The following KIAA1328 variants were observed in gnomAD, a reference collection of about 807,000 sequenced individuals.
The protein encoded by KIAA1328 is KIAA1328.
A neutral mutation model predicts 68.1 loss-of-function variants in KIAA1328; 52 were observed. The observed-to-expected ratio is 0.76, with a 90% CI of 0.61 to 0.96. KIAA1328 has a LOEUF of 0.96. Among genes scored for constraint, KIAA1328 ranks in the 40% least tolerant of loss-of-function variants. The pLI, the probability that KIAA1328 is intolerant of heterozygous loss-of-function variation, is 0.00. For synonymous variants in KIAA1328, 232 were observed against 239.4 expected, an observed-to-expected ratio of 0.97 and a Z score of 0.28; for missense variants, 641 against 677.6, an observed-to-expected ratio of 0.95 and a Z score of 0.60.
chr18:36,978,744 C>T (rs1568244542), intron 6 of KIAA1328, among the ~76,000 whole-genome samples: 1 of 152,128 alleles, frequency 6.6e-6, no homozygotes, highest in Admixed American at 6.5e-5. Flanking sequence ...TTCTCCTTGC[C>T]ACATTTTCTT....
chr18:36,916,692 G>A (rs756425895), intron 5 of KIAA1328, among the ~76,000 whole-genome samples: 24 of 152,182 alleles, frequency 1.6e-4, no homozygotes, highest in Admixed American at 3.3e-4. Context: ...GTACAGATAA[G>A]TAAGGAGGCA....
chr18:37,122,530 CA>C (rs1332901599), intron 7 of KIAA1328, among the ~76,000 whole-genome samples: 1 of 152,026 alleles, frequency 6.6e-6, no homozygotes. Context: ...TATTATTGAT[CA>C]AAGGAGATCC....
intron 6 of KIAA1328, among the ~76,000 whole-genome samples, chr18:37,005,103 G>T (rs908768090): frequency 1.3e-5 from 2 of 152,026 alleles, no homozygotes; most frequent in Admixed American, 6.6e-5. Context: ...TGAGGGAAAG[G>T]GTGGGAGGGG....
chr18:37,142,930 G>A (rs892615928), intron 7 of KIAA1328, among the ~76,000 whole-genome samples: 12 of 150,746 alleles, frequency 8.0e-5, no homozygotes, highest in Non-Finnish European at 1.8e-4. Context: ...GTTTATTTCT[G>A]GATTTACTTT....
Position 37,186,094 on chromosome 18 carries a change from C to CTTTTT in KIAA1328, c.1523+13032_1523+13036dup, listed in dbSNP as rs748423012. ...ACCTCAATTTGGGCTTCAAGGATGT[C>CTTTTT]TTTTTTTTTTTTTTTTTTTTTTTGT... is the stretch of plus-strand genomic sequence containing the variant. On this transcript the variant is annotated intron_variant, in intron 9 of 9. Transcript: ENST00000280020. 6.2e-3 allele frequency among the ~76,000 whole-genome samples: 560 copies of CTTTTT among 90,384 alleles called. 2 individuals are homozygous for CTTTTT. The highest frequency in any genetic ancestry group is 9.9e-3 in the African/African-American group (214 of 21,548). The allele number at this position is 90,384 out of a possible 152,430, so 59.3% of individuals were successfully genotyped here. A position where few individuals can be genotyped will look rare whatever the true frequency, so the allele number is the denominator to read the frequency against.
At chr18:37,033,016 G>A (rs1217554586) in intron 6 of KIAA1328, among the ~76,000 whole-genome samples, 1 of 152,126 alleles carries the variant, frequency 6.6e-6, no homozygotes, top group African/African-American at 2.4e-5. Flanking sequence ...TTTTAAGCCT[G>A]CTTACTCTTA....
At chr18:37,200,359 T>G (rs2060084990) in intron 9 of KIAA1328, among the ~76,000 whole-genome samples, 1 of 152,214 alleles carries the variant, frequency 6.6e-6, no homozygotes, top group African/African-American at 2.4e-5. Flanking sequence ...TGTTGAACTG[T>G]AGAGTGTTAG....
intron 5 of KIAA1328, among the ~76,000 whole-genome samples, chr18:36,893,901 A>G (rs2048783991): frequency 1.3e-5 from 2 of 152,180 alleles, no homozygotes; most frequent in South Asian, 4.1e-4. Context: ...GAGGCAAGAC[A>G]GTGTTAAATT....
At chr18:37,082,573 A>G (rs558855937) in intron 7 of KIAA1328, among the ~76,000 whole-genome samples, 2 of 152,216 alleles carry the variant, frequency 1.3e-5, no homozygotes, top group Non-Finnish European at 2.9e-5. Flanking sequence ...TGGGAAGGCA[A>G]TCTAATTGAA....
chr18:37,201,742 A>G (rs1276519902), intron 9 of KIAA1328, among the ~76,000 whole-genome samples: 4 of 152,228 alleles, frequency 2.6e-5, no homozygotes, highest in Non-Finnish European at 4.4e-5. Context: ...ATACATGTAC[A>G]AAATAGGTGA....
At chr18:36,865,062 T>G (rs1045324895) in intron 4 of KIAA1328, among the ~76,000 whole-genome samples, 1 of 151,868 alleles carries the variant, frequency 6.6e-6, no homozygotes, top group African/African-American at 2.4e-5. Context: ...CACTCTTATC[T>G]CTATTATTTC....
At chr18:37,082,808 C>G (rs1051763837) in intron 7 of KIAA1328, among the ~76,000 whole-genome samples, 9 of 152,142 alleles carry the variant, frequency 5.9e-5, no homozygotes, top group Non-Finnish European at 1.0e-4. Context: ...GAATATTATT[C>G]ATGATTGTGC....
At chr18:36,999,791 G>C (rs322638) in intron 6 of KIAA1328, among the ~76,000 whole-genome samples, 111,349 of 151,934 alleles carry the variant, frequency 0.73, 43,937 homozygotes, top group South Asian at 0.89. Context: ...AGTGACAGAC[G>C]AACATTTATC....
chr18:37,212,751 C>T (rs577197063), intron 9 of KIAA1328, among the ~76,000 whole-genome samples: 1 of 152,176 alleles, frequency 6.6e-6, no homozygotes, highest in Non-Finnish European at 1.5e-5. Flanking sequence ...GATGGAGTTT[C>T]ACTCTGTCGC....
At chr18:37,096,213 G>T (rs1454893805) in intron 7 of KIAA1328, among the ~76,000 whole-genome samples, 1 of 152,068 alleles carries the variant, frequency 6.6e-6, no homozygotes, top group Non-Finnish European at 1.5e-5. Flanking sequence ...ATCTCCTAAT[G>T]CTATCCCTCC....
chr18:37,122,586 T>C (rs1289062615), intron 7 of KIAA1328, among the ~76,000 whole-genome samples: 1 of 152,164 alleles, frequency 6.6e-6, no homozygotes, highest in Non-Finnish European at 1.5e-5. Flanking sequence ...GGAAAAATTA[T>C]CGTCAGTCAA....
chr18:37,115,578 G>A (rs1249396524), intron 7 of KIAA1328, among the ~76,000 whole-genome samples: 2 of 152,162 alleles, frequency 1.3e-5, no homozygotes, highest in African/African-American at 4.8e-5. Flanking sequence ...GGCAAAAACT[G>A]GAAGCATTCC....
At chr18:37,027,856 A>C (rs377064315) in intron 6 of KIAA1328, among the ~76,000 whole-genome samples, 2 of 152,182 alleles carry the variant, frequency 1.3e-5, no homozygotes, top group African/African-American at 4.8e-5. Context: ...ACAAAAGCCA[A>C]AATTGACAAA....
At chr18:37,054,303 C>T (rs1434585492) in intron 6 of KIAA1328, among the ~76,000 whole-genome samples, 1 of 152,048 alleles carries the variant, frequency 6.6e-6, no homozygotes, top group African/African-American at 2.4e-5. Flanking sequence ...AGCAGTCTCA[C>T]TACTAGATAT....
Sources: allele counts gnomAD v4.1 joint callset (sites outside exome capture counted in the v4.1 genomes callset), GRCh38; gene constraint gnomAD v4.1.1; transcripts MANE v1.5; gene names NCBI Gene and HGNC (gene_info 2026-07-23, HGNC 2026-07-21).